The following PHYH variants were observed in gnomAD, a reference collection of about 807,000 sequenced individuals.
PHYH encodes phytanoyl-CoA dioxygenase, peroxisomal.
PHYH carries 32 observed loss-of-function variants against 38.5 expected under a neutral mutation model. The observed-to-expected ratio is 0.83, with a 90% CI of 0.63 to 1.12. The LOEUF (loss-of-function observed/expected upper bound fraction) is 1.12. PHYH is among the 50% of genes most tolerant of loss of function. The pLI is 0.00. For missense variants in PHYH, 426 were observed against 434.8 expected, an observed-to-expected ratio of 0.98 and a Z score of 0.18; for synonymous variants, 166 against 157.9, an observed-to-expected ratio of 1.05 and a Z score of -0.38.
chr10:13,290,452 A>G (rs527596745), intron 5 of PHYH, among the ~76,000 whole-genome samples: 11 of 152,094 alleles, frequency 7.2e-5, no homozygotes, highest in African/African-American at 2.7e-4. Context: ...TCAAGGAGGG[A>G]GAGACCTGGT....
Position 13,281,019 on chromosome 10 carries a change from A to G in PHYH, c.920T>C (p.Ile307Thr), listed in dbSNP as rs534106740. 2 of 1,613,950 alleles carry G rather than the reference A, an allele frequency of 1.2e-6. No homozygotes were observed. Among genetic ancestry groups the G allele is most frequent in the Non-Finnish European group, 1.7e-6 (2 of 1,179,900 alleles). ...QENIEKEVVG[I>T]AHKFFGAENS... ...TTCAGCTCCAAAGAATTTATGTGCT[A>G]TTCCTACAACTTCCTTCTCGATGTT... Residue 307 changes from isoleucine to threonine, a missense_variant, in exon 8 of 9, where the codon ATA becomes ACA. Transcript: ENST00000263038.
rs768690285 is a variant in PHYH, at chr10:13,294,514, C to T, written c.328G>A (p.Glu110Lys). 11 of 1,613,826 alleles carry T rather than the reference C, an allele frequency of 6.8e-6. No individual in the cohort carries two copies. Among genetic ancestry groups the T allele is most frequent in the East Asian group, 4.5e-5 (2 of 44,882 alleles). ...VMRDVTISKS[E>K]YAPSEKMITK... ...ATCATCTTCTCACTTGGAGCATATT[C>T]GGATTTCGAAATGGTCACATCTCTC... Residue 110 changes from glutamate to lysine, a missense_variant, in exon 4 of 9, where the codon GAA becomes AAA. By Grantham distance (56) the Glu-to-Lys change is moderately conservative. Transcript: ENST00000263038.
At chr10:13,283,404 T>C (rs932492740) in intron 7 of PHYH, among the ~76,000 whole-genome samples, 37 of 151,638 alleles carry the variant, frequency 2.4e-4, no homozygotes, top group Middle Eastern at 7.0e-3. Flanking sequence ...GCTGGGATTA[T>C]AGGCATGAGC....
chr10:13,293,896 C>G (rs1481290712), intron 4 of PHYH, among the ~76,000 whole-genome samples: 1 of 152,036 alleles, frequency 6.6e-6, no homozygotes, highest in Non-Finnish European at 1.5e-5. Flanking sequence ...AGATACTGGT[C>G]CCATTCTTCA....
At chr10:13,283,882 A>G in intron 6 of PHYH, 43 bp from the exon 7 acceptor site, 2 of 1,539,034 alleles carry the variant, frequency 1.3e-6, no homozygotes, top group Non-Finnish European at 1.8e-6. Flanking sequence ...AGGGAGTACC[A>G]TAATTAAAAA....
rs1554785619 is a variant in PHYH at position 13,298,718 on chromosome 10, C to CTACT, written c.76-474_76-473insAGTA. Among the ~76,000 whole-genome samples the CTACT allele has an allele frequency of 1.4e-3, 132 of 93,310 alleles. 4 individuals carry two copies. In the East Asian group the frequency reaches 0.016, roughly 11 times the overall value. The allele number at this position is 93,310 out of a possible 152,430, so 61.2% of individuals were successfully genotyped here. On this transcript the variant is annotated intron_variant, in intron 1 of 8. Coordinates refer to ENST00000263038, the MANE Select transcript of PHYH (RefSeq NM_006214.4). Reference sequence around the variant, plus strand: ...TCCATCTCAGAAAAAAAACTACCACCACTACTACTACTACTACTACTACTA... The same window carrying CTACT: ...TCCATCTCAGAAAAAAAACTACCACCTACTACTACTACTACTACTACTACTACTA...
intron 6 of PHYH, among the ~76,000 whole-genome samples, chr10:13,286,026 G>C (rs966753277): frequency 6.6e-6 from 1 of 152,088 alleles, no homozygotes; most frequent in Non-Finnish European, 1.5e-5. Flanking sequence ...TCCTGCCTCA[G>C]CCTCTGGAAT....
chr10:13,296,033 T>C (rs1424508992), intron 2 of PHYH, among the ~76,000 whole-genome samples: 6 of 151,514 alleles, frequency 4.0e-5, no homozygotes, highest in Non-Finnish European at 5.9e-5. Context: ...CCAGGCATGG[T>C]AGTGGGCACC....
intron 6 of PHYH, 59 bp downstream of exon 6, chr10:13,288,301 T>C: frequency 7.0e-7 from 1 of 1,435,830 alleles, no homozygotes; most frequent in South Asian, 1.1e-5. Flanking sequence ...GAGGTACTGA[T>C]GTGAAACAGA....
chr10:13,287,918 G>T (rs1835594047), intron 6 of PHYH, among the ~76,000 whole-genome samples: 2 of 152,176 alleles, frequency 1.3e-5, no homozygotes, highest in South Asian at 4.1e-4. Flanking sequence ...AGTGGCTCAT[G>T]CCTTTAATCC....
intron 2 of PHYH, among the ~76,000 whole-genome samples, chr10:13,296,740 A>G (rs1832557336): frequency 1.4e-5 from 2 of 139,298 alleles, no homozygotes; most frequent in Admixed American, 1.4e-4. Flanking sequence ...TGGGCGGATC[A>G]CGAGGTCAGA....
chr10:13,288,539 T>C lies in PHYH; in HGVS notation c.499A>G (p.Lys167Glu), dbSNP rs1313171172. Reference protein sequence around the residue: ...MLINKPPDSGKKTSRHPLHQD... With the variant: ...MLINKPPDSGEKTSRHPLHQD... ...TGCAGGGGGTGACGGGACGTCTTCT[T>C]GCCTGAAAAGAAAACCTGCTACTAA... Residue 167 changes from lysine to glutamate, a missense_variant and splice_region_variant, in exon 6 of 9, where the codon AAG (lysine) becomes GAG (glutamate). By Grantham distance (56) the Lys-to-Glu change is moderately conservative. Transcript: ENST00000263038. 3 of 1,613,836 alleles carry C rather than the reference T, an allele frequency of 1.9e-6. No individual in the cohort carries two copies. The highest frequency in any genetic ancestry group is 2.5e-6 in the Non-Finnish European group (3 of 1,180,000).
At chr10:13,280,710 G>A (rs747709130) in intron 8 of PHYH, among the ~76,000 whole-genome samples, 19 of 151,962 alleles carry the variant, frequency 1.3e-4, no homozygotes, top group Non-Finnish European at 1.2e-4. Flanking sequence ...TTCCTTTACT[G>A]TCCTGTGTGA....
chr10:13,282,396 G>C (rs2131632255), intron 7 of PHYH, among the ~76,000 whole-genome samples: 1 of 152,248 alleles, frequency 6.6e-6, no homozygotes, highest in Non-Finnish European at 1.5e-5. Context: ...TTCGAGACCA[G>C]ATTGGCCAAC....
intron 7 of PHYH, among the ~76,000 whole-genome samples, chr10:13,283,072 C>T (rs2131633383): frequency 6.6e-6 from 1 of 151,680 alleles, no homozygotes; most frequent in African/African-American, 2.4e-5. Flanking sequence ...CCTCCCGCCT[C>T]AGCCTCCGGA....
chr10:13,281,142 A>T lies in PHYH; in HGVS notation c.829-32T>A, dbSNP rs767325890. ...AAAGTGAACAAATTGATATTGGAGA[A>T]AAACATCCCATGAATACCAGTGACC... On this transcript the variant is annotated intron_variant, in intron 7 of 8. Coordinates refer to ENST00000263038, the MANE Select transcript of PHYH (RefSeq NM_006214.4). 6 of 1,612,634 alleles carry T rather than the reference A, an allele frequency of 3.7e-6. No individual in the cohort carries two copies. The South Asian group carries it at 6.6e-5, about 18-fold the overall frequency.
At chr10:13,290,115 CAAAAAAAAAAAAAA>C (rs1172422242) in intron 5 of PHYH, among the ~76,000 whole-genome samples, 102 of 33,400 alleles carry the variant, frequency 3.1e-3, no homozygotes, top group African/African-American at 0.011. Flanking sequence ...CTAAAAATAC[CAAAAAAAAAAAAAA>C]AAAAAAAAAA....
chr10:13,289,228 T>A (rs542215533), intron 5 of PHYH, among the ~76,000 whole-genome samples: 2 of 152,154 alleles, frequency 1.3e-5, no homozygotes, highest in African/African-American at 4.8e-5. Flanking sequence ...CGGAGTCTTG[T>A]TCTGCTGCCC....
In PHYH at chr10:13,285,610, T is replaced by C. The variant is rs551435822; in HGVS notation, c.679-1771A>G. Among the ~76,000 whole-genome samples the C allele has an allele frequency of 2.0e-4, 30 of 149,822 alleles. No individual in the cohort carries two copies. In the East Asian group the frequency reaches 5.7e-3, roughly 28 times the overall value. On this transcript the variant is annotated intron_variant, in intron 6 of 8. Transcript: ENST00000263038. ...GATTCCAGGATCTTTTCTTTTCTTT[T>C]TTTTTTTTTTTTGAGATGGAGTCTT...
Sources: gnomAD v4.1 joint callset for allele counts (sites outside exome capture counted in the v4.1 genomes callset) on GRCh38, gnomAD v4.1.1 for gene constraint, MANE v1.5 for transcripts, NCBI Gene and HGNC (gene_info 2026-07-23, HGNC 2026-07-21) for gene names.